Variants in UBA1 observed in about 807,000 individuals in gnomAD.
UBA1 encodes ubiquitin-like modifier-activating enzyme 1.
UBA1 carries 4 observed loss-of-function variants against 84.7 expected under a neutral mutation model. The ratio of observed to expected loss-of-function variants is 0.05; its 90% confidence interval spans 0.02 to 0.11. UBA1 has a LOEUF of 0.11. Ranked by LOEUF, UBA1 falls within the 10% of genes least tolerant of loss-of-function variation. UBA1 has a pLI of 1.00. For missense variants in UBA1, 513 were observed against 902.8 expected (o/e 0.57, Z 5.53); for synonymous variants, 364 against 362.6 (o/e 1.00, Z -0.04).
intron 14 of UBA1, 68 bp downstream of exon 14, chrX:47,203,764 T>TG: frequency 9.5e-7 from 1 of 1,047,640 alleles, no homozygotes; most frequent in Admixed American, 2.7e-5. Flanking sequence ...TTTTTTTTTT[T>TG]GAGACGGAGT....
intron 23 of UBA1, 54 bp from the exon 24 acceptor site, chrX:47,214,273 G>T (rs113684815): frequency 9.2e-7 from 1 of 1,091,767 alleles, no homozygotes; most frequent in Non-Finnish European, 1.3e-6. Flanking sequence ...AGACAGATGG[G>T]GGCTGGACCC....
chrX:47,213,492 T>G (rs1045759564), intron 23 of UBA1, among the ~76,000 whole-genome samples: 1 of 112,339 alleles, frequency 8.9e-6, no homozygotes, highest in African/African-American at 3.2e-5. Flanking sequence ...TGAGCACCTT[T>G]TGTGTGCAGG....
Position 47,202,929 on chromosome X carries a change from C to T in UBA1, c.1234-14C>T, listed in dbSNP as rs371362018. ...TAACCACTGACCACCCCCTCTCTCCCTTCCCCTCTCCAGGCCTGCTCCGGG... is the reference window on the plus strand; with the variant it reads ...TAACCACTGACCACCCCCTCTCTCCTTTCCCCTCTCCAGGCCTGCTCCGGG... On this transcript the variant is annotated splice_polypyrimidine_tract_variant and intron_variant, in intron 11 of 25. Transcript: ENST00000335972. 8.3e-7 allele frequency: 1 copy of T among 1,209,284 alleles called. No individual in the cohort carries two copies. Among genetic ancestry groups the T allele is most frequent in the African/African-American group, 1.7e-5 (1 of 57,739 alleles).
intron 1 of UBA1, among the ~76,000 whole-genome samples, chrX:47,196,639 G>T (rs1256320395): frequency 1.8e-5 from 2 of 111,557 alleles, no homozygotes; most frequent in Non-Finnish European, 3.8e-5. Flanking sequence ...ACTCCTGCTT[G>T]CCTTGAGACA....
intron 1 of UBA1, chrX:47,197,418 T>A (rs782801749): frequency 3.4e-5 from 26 of 753,638 alleles, no homozygotes; most frequent in Non-Finnish European, 3.9e-5. Context: ...TCATTGTGGT[T>A]GGTGCTAGTG....
chrX:47,201,120 G>C, intron 6 of UBA1, 120 bp downstream of exon 6: 1 of 823,368 alleles, frequency 1.2e-6, no homozygotes, highest in Non-Finnish European at 1.8e-6. Context: ...TTTGGGTTCT[G>C]TGTTTTCATC....
intron 1 of UBA1, among the ~76,000 whole-genome samples, chrX:47,195,231 G>A (rs781931017): frequency 9.0e-6 from 1 of 111,014 alleles, no homozygotes; most frequent in African/African-American, 3.3e-5. Context: ...CCCCCCACAG[G>A]CCTTCTTGTT....
chrX:47,195,562 G>C (rs1029018393), intron 1 of UBA1, among the ~76,000 whole-genome samples: 4 of 111,295 alleles, frequency 3.6e-5, no homozygotes, highest in South Asian at 3.8e-4. Flanking sequence ...TGGCCCTCTT[G>C]TTTTCTACTG....
rs782268778 is a variant in UBA1 at position 47,209,548 on chromosome X, G to A, written c.1939-75G>A. On this transcript the variant is annotated intron_variant, in intron 16 of 25. Transcript: ENST00000335972. ...CCTTGTACTTGCTTTATTCACTGAT[G>A]GTCCTTCTAATAATGCCTGCGGAAA... 3.1e-6 allele frequency: 3 copies of A among 961,654 alleles called. No homozygotes were observed. In the South Asian group the frequency reaches 5.9e-5, roughly 19 times the overall value. The allele number at this position is 961,654 out of a possible 1,213,427, so 79.3% of individuals were successfully genotyped here.
chrX:47,194,533 T>C (rs1408189372), intron 1 of UBA1, among the ~76,000 whole-genome samples: 2 of 111,775 alleles, frequency 1.8e-5, no homozygotes, highest in African/African-American at 3.3e-5. Context: ...GAGTCCTCTT[T>C]AGCATTTTCC....
At chrX:47,201,766 A>G (rs912375432) in intron 8 of UBA1, among the ~76,000 whole-genome samples, 156 bp downstream of exon 8, 2 of 111,970 alleles carry the variant, frequency 1.8e-5, no homozygotes, top group African/African-American at 3.3e-5. Context: ...TGTGGGGTCC[A>G]ATAAGAGCTG....
At chrX:47,203,462 A>T in intron 13 of UBA1, 79 bp from the exon 14 acceptor site, 1 of 1,119,493 alleles carries the variant, frequency 8.9e-7, no homozygotes, top group Non-Finnish European at 1.2e-6. Context: ...CTCTCAGGGG[A>T]GTGAGGGGTG....
Position 47,201,025 on chromosome X carries a change from C to G in UBA1, c.587+25C>G, listed in dbSNP as rs1261281717. On this transcript the variant is annotated intron_variant, in intron 6 of 25. Transcript: ENST00000335972. Reference sequence around the variant, plus strand: ...GGTGAGTGGCAGCCCACCTCCCTCCCTGTCCCCTTTTCCCCCAACTCCTAC... The same window carrying G: ...GGTGAGTGGCAGCCCACCTCCCTCCGTGTCCCCTTTTCCCCCAACTCCTAC... The G allele has an allele frequency of 5.3e-6, 6 of 1,140,083 alleles. No homozygotes were observed. In the East Asian group the frequency reaches 1.9e-4, roughly 36 times the overall value. 94.0% of individuals were successfully genotyped at this position (1,140,083 alleles called of 1,213,427 possible).
intron 1 of UBA1, chrX:47,197,658 C>T: frequency 1.3e-6 from 1 of 744,131 alleles, no homozygotes; most frequent in Non-Finnish European, 1.6e-6. Flanking sequence ...TAGCAGGTGA[C>T]CCTGGGCAAG....
intron 1 of UBA1, chrX:47,198,026 A>G: frequency 1.1e-6 from 1 of 892,932 alleles, no homozygotes; most frequent in Non-Finnish European, 1.4e-6. Context: ...GGGACTCCGC[A>G]TGCAGATGAG....
chrX:47,202,999 G>A lies in UBA1; in HGVS notation c.1290G>A (p.Glu430=). Reference sequence around the variant, plus strand: ...AGTGGCTATACTTTGATGCCCTTGAGTGTCTCCCTGAGGACAAAGAGGTCC... The same window carrying A: ...AGTGGCTATACTTTGATGCCCTTGAATGTCTCCCTGAGGACAAAGAGGTCC... ...IMQWLYFDAL[E]CLPEDKEVLT... Residue 430 remains glutamate, a synonymous_variant, in exon 12 of 26, where the codon GAG becomes GAA. Transcript: ENST00000335972. 1.7e-6 allele frequency: 2 copies of A among 1,212,005 alleles called. No individual in the cohort carries two copies. The highest frequency in any genetic ancestry group is 3.0e-5 in the East Asian group (1 of 33,846).
In UBA1 at chrX:47,200,958, G is replaced by A. The variant is rs781913635; in HGVS notation, c.545G>A (p.Arg182His). 3.3e-6 allele frequency: 4 copies of A among 1,203,627 alleles called. No individual in the cohort carries two copies. The highest frequency in any genetic ancestry group is 2.2e-5 in the Admixed American group (1 of 45,162). The change falls in exon 6 of 26, where the codon CGT becomes CAT. Residue 182 changes from arginine (R) to histidine (H), a missense_variant. By Grantham distance (29) the Arg-to-His change is conservative (BLOSUM62 0). Around this residue, in one of 6 missense-constraint regions of UBA1, gnomAD observed 227 missense variants for 339.1 expected, o/e 0.67. Transcript: ENST00000335972. ...CGAGTGGGTGAGTTCTGTCACAACC[G>A]TGGCATCAAGCTGGTGGTGGCAGAC... ...QLRVGEFCHN[R>H]GIKLVVADTR...
intron 16 of UBA1, chrX:47,206,743 TTTC>T (rs1170261276): frequency 8.3e-6 from 3 of 361,400 alleles, no homozygotes; most frequent in Non-Finnish European, 1.5e-5. Flanking sequence ...TTTGCCACAT[TTTC>T]TTCTTAGATT....
chrX:47,209,317 C>T (rs999935972), intron 16 of UBA1: 3 of 425,678 alleles, frequency 7.0e-6, no homozygotes, highest in Admixed American at 8.3e-5. Flanking sequence ...CCACGCCCAG[C>T]TACTTTTTGT....
Sources: allele counts gnomAD v4.1 joint callset (sites outside exome capture counted in the v4.1 genomes callset), GRCh38; gene constraint gnomAD v4.1.1; regional missense constraint gnomAD v4.1.1; transcripts MANE v1.5; gene names NCBI Gene and HGNC (gene_info 2026-07-23, HGNC 2026-07-21).